ZDHHC3: variants seen among roughly 807,000 people sequenced by gnomAD.
ZDHHC3 encodes the protein zDHHC palmitoyltransferase 3, also known as palmitoyltransferase ZDHHC3.
ZDHHC3 carries 9 observed loss-of-function variants against 30.6 expected under a neutral mutation model. The ratio of observed to expected loss-of-function variants is 0.29; its 90% CI spans 0.18 to 0.51. ZDHHC3 has a LOEUF of 0.51. Ranked by LOEUF, ZDHHC3 falls within the 20% of genes least tolerant of loss-of-function variation. ZDHHC3 has a pLI of 0.97. For synonymous variants in ZDHHC3, 136 were observed against 140.2 expected, an observed-to-expected ratio of 0.97 and a Z score of 0.21; for missense variants, 246 against 384.2, an observed-to-expected ratio of 0.64 and a Z score of 3.01.
chr3:44,961,384 T>A (rs1575928121), intron 1 of ZDHHC3, among the ~76,000 whole-genome samples: 3 of 152,286 alleles, frequency 2.0e-5, no homozygotes, highest in South Asian at 4.1e-4. Context: ...AGTGTGAGAC[T>A]CTGTCTTAAA....
chr3:44,924,205 C>A lies in ZDHHC3; in HGVS notation c.*2484G>T. On this transcript the variant is annotated 3_prime_UTR_variant, in exon 7 of 7. Transcript: ENST00000424952. ...CTTTGTGTAGAAAGATGTCCTCTTT[C>A]ATTACATCCGGAAATACTGAGGAGA... The A allele has an allele frequency of 2.0e-6, 2 of 985,458 alleles. No homozygotes were observed. The highest frequency in any genetic ancestry group is 2.4e-6 in the Non-Finnish European group (2 of 829,934). The allele number at this position is 985,458 out of a possible 1,614,324, so 61.0% of individuals were successfully genotyped here.
At chr3:44,933,738 G>A (rs770849078) in intron 4 of ZDHHC3, 150 bp downstream of exon 4, 2 of 767,380 alleles carry the variant, frequency 2.6e-6, no homozygotes, top group Non-Finnish European at 4.5e-6. Context: ...GGCACTTGTT[G>A]AGCCAGAGAG....
Position 44,959,658 on chromosome 3 carries a change from C to G in ZDHHC3, c.-24-198G>C, listed in dbSNP as rs897977013. On this transcript the variant is annotated intron_variant, in intron 1 of 6. Transcript: ENST00000424952. The surrounding 1 kb of genome is among the most constrained non-coding windows in gnomAD (Gnocchi z 4.3). Reference sequence around the variant, plus strand: ...CAATTTAGCCTTCTTGAAACAGGGCCTTCACATGACAGATAATAAAAAGGG... The same window carrying G: ...CAATTTAGCCTTCTTGAAACAGGGCGTTCACATGACAGATAATAAAAAGGG... Among the ~76,000 whole-genome samples, 4 of 152,188 alleles carry G rather than the reference C, an allele frequency of 2.6e-5. No homozygotes were observed. Among genetic ancestry groups the G allele is most frequent in the Non-Finnish European group, 5.9e-5 (4 of 68,036 alleles).
Position 44,921,024 on chromosome 3 carries a change from A to G in ZDHHC3, c.*5665T>C. ...AAGTTCTTAAGCTTGAGGTTTGCAG[A>G]GGAGCAGTAATAGTAGCTTCAGGCT... is the stretch of plus-strand genomic sequence containing the variant. On this transcript the variant is annotated 3_prime_UTR_variant, in exon 7 of 7. Coordinates refer to ENST00000424952, the MANE Select transcript of ZDHHC3 (RefSeq NM_001135179.2). The G allele has an allele frequency of 1.0e-6, 1 of 985,474 alleles. No homozygotes were observed. The highest frequency in any genetic ancestry group is 1.2e-6 in the Non-Finnish European group (1 of 829,940). The allele number at this position is 985,474 out of a possible 1,614,324, so 61.0% of individuals were successfully genotyped here.
In ZDHHC3 at chr3:44,915,761, CTG is replaced by C. The variant is rs1700123235; in HGVS notation, c.*10926_*10927del. 1 of 152,298 alleles carries C rather than the reference CTG, an allele frequency of 6.6e-6. No homozygotes were observed. The highest frequency in any genetic ancestry group is 6.5e-5 in the Admixed American group (1 of 15,294). 9.4% of individuals were successfully genotyped at this position (152,298 alleles called of 1,614,324 possible). ...CAAGGGCCATGTGGTTTTGCAGACACTGCTGTCCTCAGGCCTGAACTCACCAT... is the reference window on the plus strand; with the variant it reads ...CAAGGGCCATGTGGTTTTGCAGACACCTGTCCTCAGGCCTGAACTCACCAT... On this transcript the variant is annotated 3_prime_UTR_variant, in exon 7 of 7. Transcript: ENST00000424952.
rs1700256387 is a variant in ZDHHC3, at chr3:44,917,456, G to C, written c.*9233C>G. On this transcript the variant is annotated 3_prime_UTR_variant, in exon 7 of 7. Coordinates refer to ENST00000424952, the MANE Select transcript of ZDHHC3 (RefSeq NM_001135179.2). ...AAGGCAAGCCCTGCCCGGTCCTTCT[G>C]TCACAACCTTACTTCTCAAAGCCAG... The C allele has an allele frequency of 5.2e-6, 1 of 190,936 alleles. No homozygotes were observed. Among genetic ancestry groups the C allele is most frequent in the African/African-American group, 2.3e-5 (1 of 42,752 alleles). 11.8% of individuals were successfully genotyped at this position (190,936 alleles called of 1,614,324 possible).
At chr3:44,973,305 G>T (rs1053286669) in intron 1 of ZDHHC3, among the ~76,000 whole-genome samples, 3 of 152,134 alleles carry the variant, frequency 2.0e-5, no homozygotes, top group Non-Finnish European at 4.4e-5. Flanking sequence ...TAGACTGCCT[G>T]GTCTCAAGTC....
Position 44,958,992 on chromosome 3 carries a change from A to G in ZDHHC3, c.306+139T>C, listed in dbSNP as rs1253510452. 8 of 1,031,216 alleles carry G rather than the reference A, an allele frequency of 7.8e-6. No individual in the cohort carries two copies. The African/African-American group carries it at 1.3e-4, about 17-fold the overall frequency. The allele number at this position is 1,031,216 out of a possible 1,614,324, so 63.9% of individuals were successfully genotyped here. On this transcript the variant is annotated intron_variant, in intron 2 of 6. Coordinates refer to ENST00000424952, the MANE Select transcript of ZDHHC3 (RefSeq NM_001135179.2). Reference sequence around the variant, plus strand: ...AATTCCACAGAACTCTGAACAAGGCAGAGATCTACTTCCTCACCCTCCCCT... The same window carrying G: ...AATTCCACAGAACTCTGAACAAGGCGGAGATCTACTTCCTCACCCTCCCCT...
chr3:44,945,351 C>G, intron 2 of ZDHHC3, 59 bp from the exon 3 acceptor site: 1 of 1,609,256 alleles, frequency 6.2e-7, no homozygotes, highest in Non-Finnish European at 8.5e-7. Context: ...CTCTAACATT[C>G]TACAGTGGGG....
In ZDHHC3 at chr3:44,919,580, C is replaced by T. The variant is rs924410825; in HGVS notation, c.*7109G>A. ...TGAAAGACAAAGGAAGACTGAGGAA[C>T]TGTCACAAACTGGAGGAGACTAAGG... On this transcript the variant is annotated 3_prime_UTR_variant, in exon 7 of 7. Coordinates refer to ENST00000424952, the MANE Select transcript of ZDHHC3 (RefSeq NM_001135179.2). 1.3e-5 allele frequency among the ~76,000 whole-genome samples: 2 copies of T among 152,238 alleles called. No homozygotes were observed. The highest frequency in any genetic ancestry group is 4.8e-5 in the African/African-American group (2 of 41,468).
chr3:44,958,630 T>A (rs1472926888), intron 2 of ZDHHC3: 1 of 1,536,118 alleles, frequency 6.5e-7, no homozygotes, highest in Admixed American at 2.0e-5. Flanking sequence ...TGTCCAGCTT[T>A]TCAGGAAAAG....
At chr3:44,961,431 G>T (rs563434565) in intron 1 of ZDHHC3, among the ~76,000 whole-genome samples, 12 of 152,270 alleles carry the variant, frequency 7.9e-5, no homozygotes, top group Non-Finnish European at 1.6e-4. Flanking sequence ...TAGAGTAAAA[G>T]TCTTGGTTCC....
In ZDHHC3 at chr3:44,920,675, C is replaced by G. The variant is rs1046338592; in HGVS notation, c.*6014G>C. ...ACTGCAAATCACCACTGTGCCCAGGCTGAGCTCAGTCAGAGAGAAGGGGAA... is the reference window on the plus strand; with the variant it reads ...ACTGCAAATCACCACTGTGCCCAGGGTGAGCTCAGTCAGAGAGAAGGGGAA... On this transcript the variant is annotated 3_prime_UTR_variant, in exon 7 of 7. Transcript: ENST00000424952. 1.0e-6 allele frequency: 1 copy of G among 985,260 alleles called. No homozygotes were observed. The highest frequency in any genetic ancestry group is 1.7e-5 in the African/African-American group (1 of 57,212). 61.0% of individuals were successfully genotyped at this position (985,260 alleles called of 1,614,324 possible). A position where few individuals can be genotyped will look rare whatever the true frequency, so the allele number is the denominator to read the frequency against.
In ZDHHC3 at chr3:44,943,694, C is replaced by T. The variant is rs185017947; in HGVS notation, c.431+1474G>A. ...GGGACCAAGTGATATTTTTGTATTT[C>T]TGTAATTCAGCATGTAAAGTTTCCT... On this transcript the variant is annotated intron_variant, in intron 3 of 6. Coordinates refer to ENST00000424952, the MANE Select transcript of ZDHHC3 (RefSeq NM_001135179.2). 1.4e-3 allele frequency among the ~76,000 whole-genome samples: 206 copies of T among 152,334 alleles called. 6 individuals are homozygous for T. Among genetic ancestry groups the T allele is most frequent in the Admixed American group, 0.011 (175 of 15,300 alleles).
At chr3:44,964,363 G>A (rs145618173) in intron 1 of ZDHHC3, among the ~76,000 whole-genome samples, 62 of 152,322 alleles carry the variant, frequency 4.1e-4, no homozygotes, top group African/African-American at 1.4e-3. Flanking sequence ...GGCAAGGGGG[G>A]CCGGGTGGGC....
rs2065218370 is a variant in ZDHHC3 at position 44,925,101 on chromosome 3, A to G, written c.*1588T>C. On this transcript the variant is annotated 3_prime_UTR_variant, in exon 7 of 7. Transcript: ENST00000424952. ...TGAAACAAACACCCAACCAGAGAAA[A>G]CTCAAGTAGATTGTGGATAGTCGGC... is the stretch of plus-strand genomic sequence containing the variant. The G allele has an allele frequency of 2.0e-6, 2 of 985,902 alleles. No homozygotes were observed. The highest frequency in any genetic ancestry group is 2.4e-6 in the Non-Finnish European group (2 of 829,946). 61.1% of individuals were successfully genotyped at this position (985,902 alleles called of 1,614,324 possible).
chr3:44,931,291 T>C (rs1027067030), intron 5 of ZDHHC3, among the ~76,000 whole-genome samples: 2 of 152,200 alleles, frequency 1.3e-5, no homozygotes, highest in Non-Finnish European at 2.9e-5. Context: ...CACCTCCTTC[T>C]TACCTACCTC....
rs1700464608 is a variant in ZDHHC3, at chr3:44,919,730, T to C, written c.*6959A>G. 6 of 325,588 alleles carry C rather than the reference T, an allele frequency of 1.8e-5. No individual in the cohort carries two copies. The highest frequency in any genetic ancestry group is 1.2e-4 in the South Asian group (1 of 8,242). The allele number at this position is 325,588 out of a possible 1,614,324, so 20.2% of individuals were successfully genotyped here. On this transcript the variant is annotated 3_prime_UTR_variant, in exon 7 of 7. Coordinates refer to ENST00000424952, the MANE Select transcript of ZDHHC3 (RefSeq NM_001135179.2). ...ATGGTGTTGCCAATGTCCAGGGTTT[T>C]ATATTTGTATTATGGTTGTATAAAA...
At chr3:44,950,747 C>A (rs150092371) in intron 2 of ZDHHC3, among the ~76,000 whole-genome samples, 8 of 152,194 alleles carry the variant, frequency 5.3e-5, no homozygotes, top group African/African-American at 1.9e-4. Flanking sequence ...CTTTTGGGCT[C>A]ATCTCCACAG....
Sources: gnomAD v4.1 joint callset for allele counts (sites outside exome capture counted in the v4.1 genomes callset) on GRCh38, gnomAD v4.1.1 for gene constraint, Gnocchi (gnomAD v3.1) non-coding constraint, MANE v1.5 for transcripts, NCBI Gene and HGNC (gene_info 2026-07-23, HGNC 2026-07-21) for gene names.